RASA3: variants seen among roughly 807,000 people sequenced by gnomAD.
RASA3 encodes the protein ras GTPase-activating protein 3.
In RASA3, 73 loss-of-function variants were observed where a neutral mutation model predicts 110.0. That is an observed-to-expected ratio of 0.66 (90% CI 0.55 to 0.81). The LOEUF (loss-of-function observed/expected upper bound fraction) is 0.81. Among genes scored for constraint, RASA3 ranks in the 30% least tolerant of loss-of-function variants. The pLI is 0.00. For synonymous variants in RASA3, 500 were observed against 451.4 expected (o/e 1.11, Z -1.37); for missense variants, 976 against 1,113.2 (o/e 0.88, Z 1.75).
intron 16 of RASA3, among the ~76,000 whole-genome samples, 166 bp from the exon 17 acceptor site, chr13:114,009,630 G>A (rs1351378352): frequency 2.0e-5 from 3 of 152,232 alleles, no homozygotes; most frequent in African/African-American, 7.2e-5. Context: ...CCCGGAGGAC[G>A]AATCACATAA....
chr13:113,998,101 C>A (rs972507650), intron 20 of RASA3, among the ~76,000 whole-genome samples: 5 of 152,134 alleles, frequency 3.3e-5, no homozygotes, highest in Non-Finnish European at 5.9e-5. Flanking sequence ...TGGGAACAGG[C>A]GGCTGAAACT....
At chr13:114,104,901 A>T (rs1474025679) in intron 1 of RASA3, among the ~76,000 whole-genome samples, 1 of 104,892 alleles carries the variant, frequency 9.5e-6, no homozygotes, top group Non-Finnish European at 2.0e-5. Context: ...CTCCCCACAC[A>T]CGTTCGCCCC....
intron 18 of RASA3, 136 bp from the exon 19 acceptor site, chr13:114,001,068 C>G (rs926462170): frequency 1.6e-6 from 1 of 644,618 alleles, no homozygotes; most frequent in African/African-American, 1.8e-5. Context: ...CATTTTACTC[C>G]GAGTGATGAG....
intron 1 of RASA3, 51 bp from the exon 2 acceptor site, chr13:114,073,888 C>G (rs1380601466): frequency 7.0e-7 from 1 of 1,422,260 alleles, no homozygotes; most frequent in Admixed American, 1.7e-5. Context: ...ATGTTTGTTC[C>G]CTGCTACATC....
chr13:114,107,022 C>A (rs745634641), intron 1 of RASA3, among the ~76,000 whole-genome samples: 8 of 152,252 alleles, frequency 5.3e-5, no homozygotes, highest in Non-Finnish European at 1.0e-4. Context: ...CTGGCAAGGA[C>A]GGCTTGGTGT....
chr13:113,983,263 T>C (rs1199635990), intron 22 of RASA3, among the ~76,000 whole-genome samples: 1 of 118,100 alleles, frequency 8.5e-6, no homozygotes, highest in Non-Finnish European at 1.9e-5. Flanking sequence ...TCTAACAACA[T>C]CTCAGACAGA....
chr13:114,075,400 C>T (rs1439845214), intron 1 of RASA3, among the ~76,000 whole-genome samples: 2 of 152,354 alleles, frequency 1.3e-5, no homozygotes, highest in East Asian at 3.9e-4. Flanking sequence ...CAATATTAAC[C>T]TGAGGCACTG....
At chr13:114,125,860 A>ATGGCTGTCCAACCT (rs1189053030) in intron 1 of RASA3, among the ~76,000 whole-genome samples, 29 of 151,714 alleles carry the variant, frequency 1.9e-4, no homozygotes, top group Admixed American at 1.5e-3. Flanking sequence ...CAGTTCCACA[A>ATGGCTGTCCAACCT]CGGCTGTCCA....
chr13:114,068,103 G>A (rs1333906654), intron 2 of RASA3, among the ~76,000 whole-genome samples: 1 of 152,254 alleles, frequency 6.6e-6, no homozygotes, highest in Admixed American at 6.5e-5. Flanking sequence ...TCTGGGTGGA[G>A]GGGGCACAGA....
chr13:113,993,743 G>A (rs2053170187), intron 21 of RASA3, among the ~76,000 whole-genome samples: 1 of 148,758 alleles, frequency 6.7e-6, no homozygotes, highest in Non-Finnish European at 1.5e-5. Context: ...GGAAGGTGGA[G>A]GTTGCAGTGA....
intron 14 of RASA3, among the ~76,000 whole-genome samples, chr13:114,013,776 C>A (rs2053709585): frequency 6.7e-6 from 1 of 150,266 alleles, no homozygotes; most frequent in African/African-American, 2.5e-5. Flanking sequence ...CTGTCTCTCT[C>A]CCTCTCTGTC....
intron 18 of RASA3, among the ~76,000 whole-genome samples, chr13:114,005,200 G>A (rs1455042504): frequency 6.6e-6 from 1 of 152,186 alleles, no homozygotes; most frequent in Non-Finnish European, 1.5e-5. Flanking sequence ...ACGGTTTCAC[G>A]AGAAGCCCCA....
chr13:114,095,299 G>A (rs780423619), intron 1 of RASA3, among the ~76,000 whole-genome samples: 38 of 152,070 alleles, frequency 2.5e-4, no homozygotes, highest in African/African-American at 8.7e-4. Flanking sequence ...TAAACACAGT[G>A]GTTTTTAGTA....
At chr13:114,093,899 A>AT (rs1226565166) in intron 1 of RASA3, among the ~76,000 whole-genome samples, 3 of 151,008 alleles carry the variant, frequency 2.0e-5, no homozygotes, top group Non-Finnish European at 4.4e-5. Context: ...TTTCCATTTG[A>AT]TTTTTTCTAT....
intron 1 of RASA3, 71 bp downstream of exon 1, chr13:114,132,364 G>A: frequency 2.9e-6 from 4 of 1,398,386 alleles, no homozygotes; most frequent in Non-Finnish European, 3.7e-6. Flanking sequence ...GATCTGCGGA[G>A]GGGAGGCGGG....
At chr13:114,030,023 G>T in intron 4 of RASA3, 136 bp from the exon 5 acceptor site, 2 of 732,210 alleles carry the variant, frequency 2.7e-6, no homozygotes, top group Non-Finnish European at 2.3e-6. Flanking sequence ...GGCACGTCCA[G>T]CCCCTCCACT....
chr13:114,094,194 T>C (rs59180561), intron 1 of RASA3, among the ~76,000 whole-genome samples: 10,420 of 152,268 alleles, frequency 0.068, 401 homozygotes, highest in Middle Eastern at 0.12. Flanking sequence ...CTTGTTGTTG[T>C]GGGAAATATG....
intron 1 of RASA3, among the ~76,000 whole-genome samples, chr13:114,080,470 C>T (rs1017566251): frequency 1.3e-5 from 2 of 152,174 alleles, no homozygotes; most frequent in African/African-American, 4.8e-5. Flanking sequence ...CCAGTCTCCA[C>T]GGCTCTTCAG....
chr13:114,001,717 G>A (rs963324199), intron 18 of RASA3, among the ~76,000 whole-genome samples: 8 of 151,848 alleles, frequency 5.3e-5, no homozygotes, highest in African/African-American at 9.7e-5. Context: ...ACCTGCGGCC[G>A]CGGGCTCGGG....
Sources: gnomAD v4.1 joint callset for allele counts (sites outside exome capture counted in the v4.1 genomes callset) on GRCh38, gnomAD v4.1.1 for gene constraint, MANE v1.5 for transcripts, NCBI Gene and HGNC (gene_info 2026-07-23, HGNC 2026-07-21) for gene names.